Variants in KCNIP1 observed in about 807,000 individuals in gnomAD.
KCNIP1 encodes the protein A-type potassium channel modulatory protein KCNIP1.
Under a neutral mutation model 33.0 loss-of-function variants are expected in KCNIP1, and 18 were observed. That is an observed-to-expected ratio of 0.55 (90% CI 0.38 to 0.81). KCNIP1 has a LOEUF of 0.81. Among genes scored for constraint, KCNIP1 ranks in the 30% least tolerant of loss-of-function variants. The pLI, the probability that KCNIP1 is intolerant of heterozygous loss-of-function variation, is 0.00. For missense variants in KCNIP1, 238 were observed against 271.6 expected, an observed-to-expected ratio of 0.88 and a Z score of 0.87; for synonymous variants, 93 against 98.3, an observed-to-expected ratio of 0.95 and a Z score of 0.32.
At chr5:170,503,997 T>C, upstream of KCNIP1, 52 of 559,604 alleles carry the variant, frequency 9.3e-5, no homozygotes, top group East Asian at 1.5e-4. Flanking sequence ...CGCCGCCCCC[T>C]CCGCCGCCCC....
chr5:170,681,068 G>C (rs1762326452), intron 1 of KCNIP1: 1 of 399,576 alleles, frequency 2.5e-6, no homozygotes, highest in South Asian at 1.3e-4. Flanking sequence ...GTGCTGTGAG[G>C]ATGTGGGCAG....
intron 1 of KCNIP1, among the ~76,000 whole-genome samples, chr5:170,468,083 T>C (rs1268583899): frequency 6.6e-6 from 1 of 152,168 alleles, no homozygotes; most frequent in South Asian, 2.1e-4. Context: ...CCTTCTAATA[T>C]AAAATGTTTA....
intron 1 of KCNIP1, among the ~76,000 whole-genome samples, chr5:170,633,959 A>G (rs1195957564): frequency 2.0e-5 from 3 of 152,164 alleles, no homozygotes; most frequent in Admixed American, 6.5e-5. Flanking sequence ...GGCTTCTACA[A>G]GAATCTAGTG....
At chr5:170,733,943 G>C in intron 7 of KCNIP1, 45 bp downstream of exon 7, 2 of 1,538,896 alleles carry the variant, frequency 1.3e-6, no homozygotes, top group South Asian at 1.1e-5. Context: ...TCTGGGAAAG[G>C]AAACCTGGGG....
chr5:170,367,905 T>C (rs538572748), intron 1 of KCNIP1, among the ~76,000 whole-genome samples: 11 of 152,218 alleles, frequency 7.2e-5, no homozygotes, highest in African/African-American at 2.7e-4. Flanking sequence ...ATACGGACTT[T>C]TATTTAGAGG....
intron 1 of KCNIP1, chr5:170,561,143 G>A (rs1757021077): frequency 2.2e-6 from 1 of 455,856 alleles, no homozygotes; most frequent in Admixed American, 2.3e-5. Flanking sequence ...AGCTGGAGAT[G>A]TGTTTATGCT....
At chr5:170,368,248 T>TTTTGTTTGTTTGTTTGTTTG (rs59715597) in intron 1 of KCNIP1, among the ~76,000 whole-genome samples, 2 of 151,442 alleles carry the variant, frequency 1.3e-5, no homozygotes, top group Non-Finnish European at 2.9e-5. Context: ...TTTTTAAAGT[T>TTTTGTTTGTTTGTTTGTTTG]TTTGTTTGTT....
chr5:170,536,791 A>G (rs2113365734), intron 1 of KCNIP1, among the ~76,000 whole-genome samples: 1 of 152,278 alleles, frequency 6.6e-6, no homozygotes, highest in South Asian at 2.1e-4. Flanking sequence ...CTCTGTCTAG[A>G]GCAGAGGACA....
chr5:170,549,834 A>G (rs1756542720), intron 1 of KCNIP1, among the ~76,000 whole-genome samples: 2 of 152,216 alleles, frequency 1.3e-5, no homozygotes, highest in South Asian at 2.1e-4. Context: ...AGGAACTTGG[A>G]GGAGTAATAA....
At chr5:170,404,489 T>C (rs564143719) in intron 1 of KCNIP1, among the ~76,000 whole-genome samples, 4 of 152,280 alleles carry the variant, frequency 2.6e-5, no homozygotes, top group African/African-American at 4.8e-5. Flanking sequence ...GGATCACTCA[T>C]GTACTTGCAG....
At chr5:170,453,777 C>A (rs543495066) in intron 1 of KCNIP1, among the ~76,000 whole-genome samples, 8 of 152,312 alleles carry the variant, frequency 5.3e-5, no homozygotes, top group South Asian at 2.1e-4. Flanking sequence ...AAGACTTCCA[C>A]GTGGCAAGGA....
At chr5:170,664,306 A>G (rs951608126) in intron 1 of KCNIP1, among the ~76,000 whole-genome samples, 1 of 152,156 alleles carries the variant, frequency 6.6e-6, no homozygotes, top group African/African-American at 2.4e-5. Flanking sequence ...CACTTCTCCT[A>G]GGAAGGCTTT....
At chr5:170,646,523 A>T (rs1760795940) in intron 1 of KCNIP1, among the ~76,000 whole-genome samples, 1 of 152,214 alleles carries the variant, frequency 6.6e-6, no homozygotes, top group Non-Finnish European at 1.5e-5. Context: ...TGGAAAAAGC[A>T]TTTGACAAAA....
rs529156827 is a variant in KCNIP1, at chr5:170,529,996, T to C, written c.61+25363T>C. On this transcript the variant is annotated intron_variant, in intron 1 of 7. Transcript: ENST00000328939. The stretch of plus-strand genomic sequence containing the variant: ...CTTCCTTGAATGCTCCTCCTCCTGA[T>C]AGTTTTCCCCAGGATTAAATCTGAG... 3.3e-5 allele frequency among the ~76,000 whole-genome samples: 5 copies of C among 152,330 alleles called. No homozygotes were observed. The South Asian group carries it at 8.3e-4, about 25-fold the overall frequency.
At chr5:170,707,560 A>G (rs2113848269) in intron 1 of KCNIP1, among the ~76,000 whole-genome samples, 1 of 152,348 alleles carries the variant, frequency 6.6e-6, no homozygotes, top group South Asian at 2.1e-4. Flanking sequence ...ATTGCATTAC[A>G]TTTGTGACCA....
intron 1 of KCNIP1, among the ~76,000 whole-genome samples, chr5:170,366,217 C>G (rs1763655589): frequency 1.3e-5 from 2 of 152,200 alleles, no homozygotes; most frequent in Admixed American, 1.3e-4. Flanking sequence ...ACACTCCTGC[C>G]CCACTCCCAG....
chr5:170,721,382 C>G (rs1340501544), intron 3 of KCNIP1, among the ~76,000 whole-genome samples: 2 of 152,080 alleles, frequency 1.3e-5, no homozygotes, highest in African/African-American at 4.8e-5. Context: ...CTTGCTACAT[C>G]CCATTGTAGA....
intron 1 of KCNIP1, among the ~76,000 whole-genome samples, chr5:170,645,244 C>A (rs1471970904): frequency 3.3e-5 from 5 of 152,098 alleles, no homozygotes; most frequent in African/African-American, 4.8e-5. Context: ...CTCAGTCAGG[C>A]TTTAAATGGG....
chr5:170,716,339 A>G (rs1763643875), intron 1 of KCNIP1, among the ~76,000 whole-genome samples: 1 of 152,210 alleles, frequency 6.6e-6, no homozygotes, highest in African/African-American at 2.4e-5. Context: ...ACTTATATAC[A>G]TGTGTGTATA....
Sources: gnomAD v4.1 joint callset for allele counts (sites outside exome capture counted in the v4.1 genomes callset) on GRCh38, gnomAD v4.1.1 for gene constraint, MANE v1.5 for transcripts, NCBI Gene and HGNC (gene_info 2026-07-23, HGNC 2026-07-21) for gene names.